The following RANBP2 variants were observed in gnomAD, a reference collection of about 807,000 sequenced individuals.
RANBP2 encodes the protein RAN binding protein 2, also known as E3 SUMO-protein ligase RanBP2.
In RANBP2, 57 loss-of-function variants were observed where a neutral mutation model predicts 303.6. The observed-to-expected ratio is 0.19, with a 90% CI of 0.15 to 0.23. RANBP2 has a LOEUF of 0.23. RANBP2 is among the 10% of genes least tolerant of loss of function. The probability of loss-of-function intolerance (pLI) is 1.00; values close to 1 mark genes in which losing one functional copy is unlikely to be tolerated. For synonymous variants in RANBP2, 1,167 were observed against 1,301.5 expected (o/e 0.90, Z 2.23); for missense variants, 3,138 against 3,780.8 (o/e 0.83, Z 4.46).
At chr2:109,715,681 T>C in the RANBP2 span, among the ~76,000 whole-genome samples, 21 of 152,080 alleles carry the variant, frequency 1.4e-4, no homozygotes, top group Admixed American at 3.3e-4. Context: ...TCACTGGCCA[T>C]TGGGGGTCAG....
the RANBP2 span, among the ~76,000 whole-genome samples, chr2:109,138,870 A>G: frequency 6.6e-6 from 1 of 152,234 alleles, no homozygotes; most frequent in African/African-American, 2.4e-5. Context: ...TAAGCACTGG[A>G]ATATACATTG....
chr2:109,084,420 A>C, the RANBP2 span, among the ~76,000 whole-genome samples: 2 of 152,248 alleles, frequency 1.3e-5, no homozygotes, highest in Admixed American at 1.3e-4. Context: ...CTTTCAGGAC[A>C]GAGGCTGTTG....
chr2:109,259,496 C>A, the RANBP2 span, among the ~76,000 whole-genome samples: 1 of 152,312 alleles, frequency 6.6e-6, no homozygotes, highest in East Asian at 1.9e-4. Context: ...CCTTGATTTT[C>A]CTTCTGTGCA....
At chr2:109,067,401 C>T in the RANBP2 span, among the ~76,000 whole-genome samples, 12 of 152,330 alleles carry the variant, frequency 7.9e-5, no homozygotes, top group East Asian at 1.5e-3. Context: ...ATAATCTCTC[C>T]GCTGCTCTCT....
the RANBP2 span, among the ~76,000 whole-genome samples, chr2:109,674,478 G>A: frequency 6.6e-6 from 1 of 151,228 alleles, no homozygotes; most frequent in Non-Finnish European, 1.5e-5. Flanking sequence ...CAGCTACTTG[G>A]GAGGCTGAGG....
chr2:109,429,616 C>A, the RANBP2 span, among the ~76,000 whole-genome samples: 1 of 152,124 alleles, frequency 6.6e-6, no homozygotes, highest in African/African-American at 2.4e-5. Flanking sequence ...GCAACTGCAG[C>A]TCTCATCTTG....
the RANBP2 span, among the ~76,000 whole-genome samples, chr2:109,048,101 G>A: frequency 2.6e-5 from 4 of 152,172 alleles, no homozygotes; most frequent in African/African-American, 7.2e-5. Flanking sequence ...CTTTCTAAAC[G>A]TCGGATAATT....
the RANBP2 span, among the ~76,000 whole-genome samples, chr2:108,939,273 G>A: frequency 5.3e-5 from 8 of 151,866 alleles, no homozygotes; most frequent in East Asian, 3.9e-4. Context: ...CGCAACCTCC[G>A]CCTCCCAGGT....
the RANBP2 span, among the ~76,000 whole-genome samples, chr2:108,974,156 C>T: frequency 2.0e-5 from 3 of 150,794 alleles, no homozygotes; most frequent in Non-Finnish European, 3.0e-5. Context: ...GGTGAAACCC[C>T]GTCTCTACTA....
At chr2:108,948,875 T>C in the RANBP2 span, among the ~76,000 whole-genome samples, 1 of 152,158 alleles carries the variant, frequency 6.6e-6, no homozygotes, top group East Asian at 1.9e-4. Flanking sequence ...CCCAGCACTT[T>C]GGGATGCCGA....
the RANBP2 span, among the ~76,000 whole-genome samples, chr2:109,134,254 C>T: frequency 3.7e-4 from 56 of 152,236 alleles, no homozygotes; most frequent in African/African-American, 9.2e-4. Context: ...TCTGTTCCTC[C>T]GCCCTTCTGT....
At chr2:109,139,662 G>A in the RANBP2 span, among the ~76,000 whole-genome samples, 1 of 152,156 alleles carries the variant, frequency 6.6e-6, no homozygotes, top group African/African-American at 2.4e-5. Flanking sequence ...GAGTTTTCCT[G>A]GATTTAAAGT....
At chr2:108,788,931 A>G (rs765534423), downstream of RANBP2, 3 of 1,614,150 alleles carry the variant, frequency 1.9e-6, no homozygotes, top group Non-Finnish European at 2.5e-6. Context: ...GTAGAACACC[A>G]TTGGGCAGCT....
At chr2:108,954,431 G>T in the RANBP2 span, among the ~76,000 whole-genome samples, 3 of 152,164 alleles carry the variant, frequency 2.0e-5, no homozygotes, top group African/African-American at 7.2e-5. Flanking sequence ...ACTTTGGATA[G>T]GTGTGGTGGT....
At chr2:108,915,267 G>A in the RANBP2 span, among the ~76,000 whole-genome samples, 1 of 152,154 alleles carries the variant, frequency 6.6e-6, no homozygotes, top group Non-Finnish European at 1.5e-5. Flanking sequence ...TTCTGTGAGT[G>A]GGGGCAGCCC....
the RANBP2 span, among the ~76,000 whole-genome samples, chr2:109,367,119 ATT>A: frequency 0.047 from 5,373 of 113,248 alleles, 297 homozygotes; most frequent in African/African-American, 0.15. Flanking sequence ...TGCCCTGGTA[ATT>A]TTTTTTTTTT....
At chr2:108,733,888 G>C (rs1209001860) in intron 4 of RANBP2, among the ~76,000 whole-genome samples, 3 of 150,310 alleles carry the variant, frequency 2.0e-5, no homozygotes, top group Non-Finnish European at 4.4e-5. Context: ...ATTTATAACT[G>C]TCATGCAAAG....
chr2:109,732,950 A>G, the RANBP2 span: 1 of 651,706 alleles, frequency 1.5e-6, no homozygotes, highest in Admixed American at 1.8e-5. Context: ...AAACGGTGAA[A>G]AAAGAAGTAG....
chr2:109,530,351 G>A, the RANBP2 span, among the ~76,000 whole-genome samples: 2 of 152,194 alleles, frequency 1.3e-5, no homozygotes, highest in South Asian at 2.1e-4. Flanking sequence ...TCAGGGCCAC[G>A]TGAGCAGGCT....
Sources: gnomAD v4.1 joint callset for allele counts (sites outside exome capture counted in the v4.1 genomes callset) on GRCh38, gnomAD v4.1.1 for gene constraint, MANE v1.5 for transcripts, NCBI Gene and HGNC (gene_info 2026-07-23, HGNC 2026-07-21) for gene names.